The following RPTOR variants were observed in gnomAD, a reference collection of about 807,000 sequenced individuals.
The protein encoded by RPTOR is regulatory associated protein of MTOR complex 1.
In RPTOR, 21 loss-of-function variants were observed where a neutral mutation model predicts 169.9. That is an observed-to-expected ratio of 0.12 (90% CI 0.09 to 0.18). RPTOR has a LOEUF of 0.18. RPTOR is among the 10% of genes least tolerant of loss of function. The probability of loss-of-function intolerance (pLI) is 1.00; values close to 1 mark genes in which losing one functional copy is unlikely to be tolerated. For synonymous variants in RPTOR, 732 were observed against 753.2 expected, an observed-to-expected ratio of 0.97 and a Z score of 0.46; for missense variants, 1,133 against 1,855.9, an observed-to-expected ratio of 0.61 and a Z score of 7.16.
chr17:80,845,182 A>G lies in RPTOR; in HGVS notation c.1213-1291A>G, dbSNP rs1049314058. On this transcript the variant is annotated intron_variant, in intron 10 of 33. Coordinates refer to ENST00000306801, the MANE Select transcript of RPTOR (RefSeq NM_020761.3). The surrounding 1 kb of genome is among the most constrained non-coding windows in gnomAD (Gnocchi z 5.4). ...AGCAGCCCTGCTGCCCACCTGCTCC[A>G]TGGCACCCAGGCGAATCCCCCTCCA... Among the ~76,000 whole-genome samples the G allele has an allele frequency of 1.2e-4, 18 of 151,566 alleles. No individual in the cohort carries two copies. The highest frequency in any genetic ancestry group is 2.4e-4 in the Non-Finnish European group (16 of 67,866).
At chr17:80,720,119 C>T (rs987532385) in intron 4 of RPTOR, among the ~76,000 whole-genome samples, 1 of 151,914 alleles carries the variant, frequency 6.6e-6, no homozygotes, top group African/African-American at 2.4e-5. Flanking sequence ...ATGGTGAAAC[C>T]CTGTCTCTAT....
chr17:80,688,882 C>T (rs963510060), intron 3 of RPTOR, among the ~76,000 whole-genome samples: 2 of 152,250 alleles, frequency 1.3e-5, no homozygotes, highest in Admixed American at 6.5e-5. Flanking sequence ...TGCCCTTCCA[C>T]CCCAAGCCTG....
intron 1 of RPTOR, among the ~76,000 whole-genome samples, chr17:80,592,464 G>T (rs1032241880): frequency 3.3e-5 from 5 of 152,146 alleles, no homozygotes; most frequent in African/African-American, 1.2e-4. Context: ...GATGGCGGTG[G>T]GAGGACAGGT....
intron 3 of RPTOR, among the ~76,000 whole-genome samples, chr17:80,657,318 A>G (rs2065687559): frequency 6.6e-6 from 1 of 152,168 alleles, no homozygotes; most frequent in African/African-American, 2.4e-5. Context: ...TGGAGAGTGT[A>G]GTTAGGGTGA....
At chr17:80,635,576 T>C (rs72849110) in intron 2 of RPTOR, among the ~76,000 whole-genome samples, 3,137 of 151,978 alleles carry the variant, frequency 0.021, 49 homozygotes, top group Middle Eastern at 0.041. Context: ...CAGTGGAAAG[T>C]GGATCTGGTG....
intron 1 of RPTOR, chr17:80,593,317 G>C: frequency 6.5e-6 from 1 of 154,996 alleles, no homozygotes; most frequent in Middle Eastern, 5.2e-4. Flanking sequence ...GTTCTGATGA[G>C]ACCGCGGCGG....
In RPTOR at chr17:80,562,072, G is replaced by A. The variant is rs1436305022; in HGVS notation, c.162+16281G>A. Among the ~76,000 whole-genome samples, 1 of 151,916 alleles carries A rather than the reference G, an allele frequency of 6.6e-6. No individual in the cohort carries two copies. The highest frequency in any genetic ancestry group is 1.5e-5 in the Non-Finnish European group (1 of 68,024). ...TGGGGTGGGGAGTCTCTTGAGGGTAGGAGGAGATGAGGGTCTGGTGGCGGC... is the reference window on the plus strand; with the variant it reads ...TGGGGTGGGGAGTCTCTTGAGGGTAAGAGGAGATGAGGGTCTGGTGGCGGC... On this transcript the variant is annotated intron_variant, in intron 1 of 33. Transcript: ENST00000306801. The surrounding 1 kb of genome is among the most constrained non-coding windows in gnomAD (Gnocchi z 4.4).
chr17:80,624,059 C>G (rs1352263360), intron 1 of RPTOR, among the ~76,000 whole-genome samples: 6 of 152,048 alleles, frequency 3.9e-5, no homozygotes, highest in Admixed American at 1.3e-4. Context: ...CAGGTGTGCA[C>G]CACCACACAC....
chr17:80,922,756 G>T lies in RPTOR; in HGVS notation c.2553G>T (p.Leu851=). 6.3e-7 allele frequency: 1 copy of T among 1,589,022 alleles called. No individual in the cohort carries two copies. The change falls in exon 22 of 34, where the codon CTG becomes CTT. Residue 851 remains leucine, a synonymous_variant. Coordinates refer to ENST00000306801, the MANE Select transcript of RPTOR (RefSeq NM_020761.3). ...TGAACGCCCGGCCGCAGCGCGTCCT[G>T]GACACCTCCTCCCTCACGCAGTCGG... The part of the protein sequence containing the change: ...ATVNARPQRV[L]DTSSLTQSAP...
At chr17:80,927,653 TCCCTGTGTCTG>T (rs2068827173) in intron 24 of RPTOR, among the ~76,000 whole-genome samples, 1 of 150,568 alleles carries the variant, frequency 6.6e-6, no homozygotes, top group African/African-American at 2.4e-5. Flanking sequence ...TGTGTGTGTA[TCCCTGTGTCTG>T]TCTGTGTGAT....
At chr17:80,793,736 G>A (rs573957663) in intron 7 of RPTOR, among the ~76,000 whole-genome samples, 5 of 152,314 alleles carry the variant, frequency 3.3e-5, no homozygotes, top group East Asian at 3.9e-4. Context: ...CTCAGACAGC[G>A]CCACAAGCTC....
At chr17:80,885,763 G>A (rs892810586) in intron 17 of RPTOR, among the ~76,000 whole-genome samples, 8 of 152,066 alleles carry the variant, frequency 5.3e-5, no homozygotes, top group African/African-American at 1.9e-4. Context: ...GGATGGTCTC[G>A]ATCTCCTGAC....
chr17:80,892,252 A>G (rs530031865), intron 18 of RPTOR, among the ~76,000 whole-genome samples: 1 of 152,048 alleles, frequency 6.6e-6, no homozygotes, highest in African/African-American at 2.4e-5. Flanking sequence ...TACAGTTCCT[A>G]TCTCATCGCT....
chr17:80,565,886 G>GTGTTAAGCGGCGAGC (rs1368169339), intron 1 of RPTOR, among the ~76,000 whole-genome samples: 2 of 152,266 alleles, frequency 1.3e-5, no homozygotes, highest in Non-Finnish European at 2.9e-5. Context: ...GCCAGGAGCT[G>GTGTTAAGCGGCGAGC]CATCTAGCGC....
intron 21 of RPTOR, among the ~76,000 whole-genome samples, chr17:80,912,234 G>C (rs1374833145): frequency 6.6e-6 from 1 of 152,182 alleles, no homozygotes; most frequent in Middle Eastern, 3.2e-3. Context: ...TGACACACAG[G>C]AGTGTCTGGT....
intron 9 of RPTOR, among the ~76,000 whole-genome samples, chr17:80,837,351 G>A (rs991349072): frequency 6.6e-6 from 1 of 152,138 alleles, no homozygotes; most frequent in Non-Finnish European, 1.5e-5. Flanking sequence ...GGAGCAGCAG[G>A]GGGGAGGCAA....
At chr17:80,925,291 G>A in intron 23 of RPTOR, 79 bp from the exon 24 acceptor site, 2 of 1,255,100 alleles carry the variant, frequency 1.6e-6, no homozygotes, top group South Asian at 1.3e-5. Context: ...GTCCCCAGCT[G>A]CAGCTCTTTT....
intron 13 of RPTOR, among the ~76,000 whole-genome samples, chr17:80,862,265 C>A (rs1487518370): frequency 6.6e-6 from 1 of 152,166 alleles, no homozygotes; most frequent in Non-Finnish European, 1.5e-5. Flanking sequence ...TAAAAGCAAT[C>A]ATTCCACTGA....
At chr17:80,687,395 T>C (rs1020227137) in intron 3 of RPTOR, among the ~76,000 whole-genome samples, 33 of 152,256 alleles carry the variant, frequency 2.2e-4, no homozygotes, top group African/African-American at 5.8e-4. Flanking sequence ...CACTGGTCAC[T>C]TGTCCACAAG....
Sources: allele counts gnomAD v4.1 joint callset (sites outside exome capture counted in the v4.1 genomes callset), GRCh38; gene constraint gnomAD v4.1.1; non-coding constraint Gnocchi (gnomAD v3.1); transcripts MANE v1.5; gene names NCBI Gene and HGNC (gene_info 2026-07-23, HGNC 2026-07-21).